The following SGCZ variants were observed in gnomAD, a reference collection of about 807,000 sequenced individuals.
The protein encoded by SGCZ is sarcoglycan zeta, also known as zeta-sarcoglycan.
Under a neutral mutation model 41.3 loss-of-function variants are expected in SGCZ, and 40 were observed. The ratio of observed to expected loss-of-function variants is 0.97; its 90% CI spans 0.75 to 1.26. SGCZ has a LOEUF of 1.26. Among genes scored for constraint, SGCZ ranks in the 50% most tolerant of loss-of-function variants. The pLI, the probability that SGCZ is intolerant of heterozygous loss-of-function variation, is 0.00. For synonymous variants in SGCZ, 206 were observed against 137.5 expected (o/e 1.50, Z -3.49); for missense variants, 552 against 369.8 (o/e 1.49, Z -4.04).
At chr8:14,288,453 C>A (rs1800719402) in intron 3 of SGCZ, among the ~76,000 whole-genome samples, 1 of 152,062 alleles carries the variant, frequency 6.6e-6, no homozygotes, top group African/African-American at 2.4e-5. Context: ...CTACCCTCGG[C>A]CACTGGTAAC....
At chr8:14,158,057 G>A (rs1803930383) in intron 5 of SGCZ, among the ~76,000 whole-genome samples, 1 of 151,486 alleles carries the variant, frequency 6.6e-6, no homozygotes, top group Admixed American at 6.6e-5. Flanking sequence ...TGGTAATTGT[G>A]CCAAAATTGT....
At chr8:14,850,518 T>C (rs1255767117) in intron 1 of SGCZ, among the ~76,000 whole-genome samples, 2 of 152,074 alleles carry the variant, frequency 1.3e-5, no homozygotes, top group Non-Finnish European at 2.9e-5. Context: ...ATATGCTGAG[T>C]TTTAAAGGAT....
intron 1 of SGCZ, among the ~76,000 whole-genome samples, chr8:14,686,466 C>A (rs1225882290): frequency 6.6e-6 from 1 of 151,906 alleles, no homozygotes; most frequent in East Asian, 1.9e-4. Context: ...TGAAAATAAA[C>A]TAGGAGTAAT....
rs1052832540 is a variant in SGCZ at position 14,859,857 on chromosome 8, A to G, written c.40-304931T>C. ...TTTTAATTTACTATTGTACCCTCAT[A>G]TCTTGAATAGTGCCTGGCATATAGT... On this transcript the variant is annotated intron_variant, in intron 1 of 7. Coordinates refer to ENST00000382080, the MANE Select transcript of SGCZ (RefSeq NM_139167.4). Among the ~76,000 whole-genome samples the G allele has an allele frequency of 5.9e-5, 9 of 152,224 alleles. No homozygotes were observed. The East Asian group carries it at 1.7e-3, about 29-fold the overall frequency.
intron 1 of SGCZ, among the ~76,000 whole-genome samples, chr8:15,225,724 G>T (rs1044102774): frequency 6.6e-6 from 1 of 152,152 alleles, no homozygotes; most frequent in Non-Finnish European, 1.5e-5. Flanking sequence ...GACTTGCTTG[G>T]AGACTGGCTG....
chr8:14,326,561 A>G (rs1352296885), intron 2 of SGCZ, among the ~76,000 whole-genome samples: 1 of 152,138 alleles, frequency 6.6e-6, no homozygotes, highest in East Asian at 1.9e-4. Flanking sequence ...ATTTGGGTTA[A>G]ATTAAAATTA....
At chr8:14,586,946 C>A (rs1184518073) in intron 1 of SGCZ, among the ~76,000 whole-genome samples, 2 of 151,698 alleles carry the variant, frequency 1.3e-5, no homozygotes, top group African/African-American at 4.8e-5. Flanking sequence ...AAGGTCATGT[C>A]ATCATATAGA....
chr8:15,086,678 GC>G (rs1173143997), intron 1 of SGCZ, among the ~76,000 whole-genome samples: 3 of 151,608 alleles, frequency 2.0e-5, no homozygotes, highest in Non-Finnish European at 4.4e-5. Flanking sequence ...AAATAATTCT[GC>G]TTTTTTTTAA....
intron 1 of SGCZ, among the ~76,000 whole-genome samples, chr8:15,027,699 TA>T (rs2130953281): frequency 6.6e-6 from 1 of 152,232 alleles, no homozygotes; most frequent in East Asian, 1.9e-4. Flanking sequence ...CAAAACATAT[TA>T]ACTACTTTGT....
intron 2 of SGCZ, among the ~76,000 whole-genome samples, chr8:14,527,928 C>G (rs2117117181): frequency 6.6e-6 from 1 of 152,024 alleles, no homozygotes; most frequent in South Asian, 2.1e-4. Context: ...GGAGTAATAC[C>G]ATGCAAAAAC....
intron 4 of SGCZ, among the ~76,000 whole-genome samples, chr8:14,194,881 C>T (rs762123259): frequency 3.6e-4 from 54 of 151,998 alleles, no homozygotes; most frequent in South Asian, 8.3e-4. Context: ...AATCATAATT[C>T]ATAATGAGGA....
At chr8:14,093,232 G>A (rs936767057) in intron 7 of SGCZ, among the ~76,000 whole-genome samples, 4 of 151,780 alleles carry the variant, frequency 2.6e-5, no homozygotes, top group African/African-American at 9.7e-5. Context: ...TTTGTACTAG[G>A]ACTCCTGTGA....
intron 7 of SGCZ, among the ~76,000 whole-genome samples, chr8:14,099,939 A>ACATTTCATCCAT (rs147644809): frequency 6.6e-6 from 1 of 151,708 alleles, no homozygotes; most frequent in African/African-American, 2.4e-5. Flanking sequence ...TCATTCTTCT[A>ACATTTCATCCAT]CATTTCATCC....
At chr8:15,183,631 A>G (rs1800244277) in intron 1 of SGCZ, among the ~76,000 whole-genome samples, 1 of 152,186 alleles carries the variant, frequency 6.6e-6, no homozygotes, top group Non-Finnish European at 1.5e-5. Context: ...ATCCTATGAC[A>G]TATTCTTTAT....
At chr8:14,504,494 A>G (rs543899512) in intron 2 of SGCZ, among the ~76,000 whole-genome samples, 1 of 152,198 alleles carries the variant, frequency 6.6e-6, no homozygotes, top group East Asian at 1.9e-4. Flanking sequence ...TGGTTTCTTG[A>G]TTTATTTATT....
At chr8:15,000,762 A>T (rs1030121845) in intron 1 of SGCZ, among the ~76,000 whole-genome samples, 5 of 152,144 alleles carry the variant, frequency 3.3e-5, no homozygotes, top group African/African-American at 1.2e-4. Flanking sequence ...TGTAAATCAG[A>T]CACCGCCTTC....
intron 2 of SGCZ, among the ~76,000 whole-genome samples, chr8:14,422,082 G>T (rs1379328297): frequency 6.6e-6 from 1 of 152,040 alleles, no homozygotes; most frequent in Non-Finnish European, 1.5e-5. Flanking sequence ...CAAATGCAAA[G>T]TCTTAACAAA....
At chr8:15,020,107 C>G (rs1007561985) in intron 1 of SGCZ, among the ~76,000 whole-genome samples, 11 of 151,978 alleles carry the variant, frequency 7.2e-5, no homozygotes, top group African/African-American at 2.7e-4. Flanking sequence ...AGAGACGAGA[C>G]TCCCCAAACT....
intron 4 of SGCZ, among the ~76,000 whole-genome samples, chr8:14,218,784 T>C (rs1015637557): frequency 6.6e-6 from 1 of 152,222 alleles, no homozygotes; most frequent in Non-Finnish European, 1.5e-5. Flanking sequence ...CAACAACGCA[T>C]TTGGTCCAGG....
Sources: allele counts gnomAD v4.1 joint callset (sites outside exome capture counted in the v4.1 genomes callset), GRCh38; gene constraint gnomAD v4.1.1; transcripts MANE v1.5; gene names NCBI Gene and HGNC (gene_info 2026-07-23, HGNC 2026-07-21).